SLC2A4RG: variants seen among roughly 807,000 people sequenced by gnomAD.
SLC2A4RG encodes the protein SLC2A4 regulator.
A neutral mutation model predicts 35.5 loss-of-function variants in SLC2A4RG; 23 were observed. That is an observed-to-expected ratio of 0.65 (90% CI 0.47 to 0.92). SLC2A4RG has a LOEUF of 0.92. Among genes scored for constraint, SLC2A4RG ranks in the 40% least tolerant of loss-of-function variants. SLC2A4RG has a pLI of 0.00. For synonymous variants in SLC2A4RG, 306 were observed against 243.7 expected, an observed-to-expected ratio of 1.26 and a Z score of -2.38; for missense variants, 539 against 525.0, an observed-to-expected ratio of 1.03 and a Z score of -0.26.
rs746078878 is a variant in SLC2A4RG at position 63,742,977 on chromosome 20, G to A, written c.1151G>A (p.Arg384Gln). ...TACRWKKACQ[R>Q]FLD ...TGCCGCTGGAAGAAAGCCTGCCAGC[G>A]GTTCCTGGACTAAGTCCGGCTCGTT... Residue 384 changes from arginine (R) to glutamine (Q), a missense_variant, in exon 8 of 8, where the codon CGG becomes CAG. Transcript: ENST00000266077. The A allele has an allele frequency of 2.9e-5, 46 of 1,610,628 alleles. No individual in the cohort carries two copies. Among genetic ancestry groups the A allele is most frequent in the Non-Finnish European group, 3.6e-5 (43 of 1,178,748 alleles).
In SLC2A4RG at chr20:63,743,051, G is replaced by C; in HGVS notation, c.*61G>C. On this transcript the variant is annotated 3_prime_UTR_variant, in exon 8 of 8. Transcript: ENST00000266077. The stretch of plus-strand genomic sequence containing the variant: ...TCCCTCCCCACCCCCTCCAGGCCCG[G>C]GGCTGAAACAGCCCGAGGACAGCCC... 7.3e-7 allele frequency: 1 copy of C among 1,373,938 alleles called. No homozygotes were observed. Among genetic ancestry groups the C allele is most frequent in the Non-Finnish European group, 9.8e-7 (1 of 1,022,870 alleles). 85.1% of individuals were successfully genotyped at this position (1,373,938 alleles called of 1,614,324 possible). A position where few individuals can be genotyped will look rare whatever the true frequency, so the allele number is the denominator to read the frequency against.
rs2092047084 is a variant in SLC2A4RG, at chr20:63,742,323, G to A, written c.681-13G>A. 6.2e-7 allele frequency: 1 copy of A among 1,606,170 alleles called. No individual in the cohort carries two copies. Among genetic ancestry groups the A allele is most frequent in the Admixed American group, 1.7e-5 (1 of 59,680 alleles). On this transcript the variant is annotated splice_polypyrimidine_tract_variant and intron_variant, in intron 5 of 7. Transcript: ENST00000266077. ...CCCCTTCAGCTCCCACTGGCTGGCT[G>A]TGTCTCCCGCAGGAGGCAGGCAGAG...
Position 63,741,521 on chromosome 20 carries a change from A to G in SLC2A4RG, c.391+42A>G, listed in dbSNP as rs761520872. The G allele has an allele frequency of 2.6e-5, 40 of 1,561,070 alleles. No homozygotes were observed. The Middle Eastern group carries it at 5.1e-4, about 20-fold the overall frequency. On this transcript the variant is annotated intron_variant, in intron 3 of 7. Transcript: ENST00000266077. ...TGCATTTAGGGGTGTGGGTGGGGAC[A>G]GGGCTCAGAACCTACAGCCACCCAG...
intron 1 of SLC2A4RG, 160 bp from the exon 2 acceptor site, chr20:63,740,217 C>A: frequency 2.3e-6 from 1 of 426,616 alleles, no homozygotes; most frequent in Non-Finnish European, 3.2e-6. Context: ...GCCCTTCCCG[C>A]CGCGCCGGGC....
At position 63,743,949 on chromosome 20, in the gene SLC2A4RG, G is replaced by A. The variant is rs2092061387; in HGVS notation, c.*959G>A. The stretch of plus-strand genomic sequence containing the variant: ...GTCAATATAATATAGATTATCCCCA[G>A]AAAAAAATCAACAATCTTCAAACAC... On this transcript the variant is annotated 3_prime_UTR_variant, in exon 8 of 8. Transcript: ENST00000266077. The A allele has an allele frequency of 6.6e-6, 1 of 152,520 alleles. No homozygotes were observed. The highest frequency in any genetic ancestry group is 2.4e-5 in the African/African-American group (1 of 41,406). The allele number at this position is 152,520 out of a possible 1,614,324, so 9.4% of individuals were successfully genotyped here.
intron 1 of SLC2A4RG, 92 bp downstream of exon 1, chr20:63,740,130 G>T (rs2092034205): frequency 1.6e-6 from 1 of 638,154 alleles, no homozygotes; most frequent in Non-Finnish European, 1.9e-6. Flanking sequence ...CCCCGGGGGC[G>T]GGGCAGCGGG....
In SLC2A4RG at chr20:63,742,982, C is replaced by T; in HGVS notation, c.1156C>T (p.Leu386=). Reference sequence around the variant, plus strand: ...CTGGAAGAAAGCCTGCCAGCGGTTCCTGGACTAAGTCCGGCTCGTTCAAGA... The same window carrying T: ...CTGGAAGAAAGCCTGCCAGCGGTTCTTGGACTAAGTCCGGCTCGTTCAAGA... The part of the protein sequence containing the change: ...CRWKKACQRF[L]D Residue 386 remains leucine (L), a synonymous_variant, in exon 8 of 8, where the codon CTG becomes TTG. Coordinates refer to ENST00000266077, the MANE Select transcript of SLC2A4RG (RefSeq NM_020062.4). The T allele has an allele frequency of 6.2e-7, 1 of 1,610,116 alleles. No homozygotes were observed. Among genetic ancestry groups the T allele is most frequent in the African/African-American group, 1.3e-5 (1 of 75,000 alleles).
chr20:63,741,209 T>G, intron 2 of SLC2A4RG, 161 bp from the exon 3 acceptor site: 1 of 659,448 alleles, frequency 1.5e-6, no homozygotes, highest in Non-Finnish European at 2.6e-6. Context: ...GGCTTTCAGC[T>G]CTCTCTGCAA....
Position 63,742,776 on chromosome 20 carries a change from C to G in SLC2A4RG, c.1038C>G (p.Ile346Met), listed in dbSNP as rs565824652. The G allele has an allele frequency of 2.1e-5, 33 of 1,590,504 alleles. No homozygotes were observed. The East Asian group carries it at 4.1e-4, about 20-fold the overall frequency. ...GACPPALSSR[I>M]GVTLRKPRGD... Reference sequence around the variant, plus strand: ...GCCCACCCGCCTTGTCCTCCAGGATCGGAGTCACCCTGAGGTGCGTGTGGG... The same window carrying G: ...GCCCACCCGCCTTGTCCTCCAGGATGGGAGTCACCCTGAGGTGCGTGTGGG... The change falls in exon 7 of 8, where the codon ATC becomes ATG. Residue 346 changes from isoleucine (I) to methionine (M), a missense_variant. Transcript: ENST00000266077.
chr20:63,741,290 C>G (rs2092040087), intron 2 of SLC2A4RG, 80 bp from the exon 3 acceptor site: 1 of 1,315,512 alleles, frequency 7.6e-7, no homozygotes, highest in African/African-American at 1.4e-5. Flanking sequence ...CACGCGTGCC[C>G]AGGCCTGCAC....
rs1294328380 is a variant in SLC2A4RG, at chr20:63,742,211, A to G, written c.661A>G (p.Ile221Val). 2.3e-5 allele frequency: 37 copies of G among 1,597,154 alleles called. No individual in the cohort carries two copies. The highest frequency in any genetic ancestry group is 3.2e-5 in the Non-Finnish European group (37 of 1,172,348). Residue 221 changes from isoleucine to valine, a missense_variant, in exon 5 of 8, where the codon ATC becomes GTC. Coordinates refer to ENST00000266077, the MANE Select transcript of SLC2A4RG (RefSeq NM_020062.4). ...CACGGCGTCGGCGATGCAGAGACAC[A>G]TCCGCCTGGTGCACCTGGGGTGCGG... ...LSTASAMQRH[I>V]RLVHLGRQAE...
At position 63,742,471 on chromosome 20, in the gene SLC2A4RG, C is replaced by T; in HGVS notation, c.816C>T (p.Ala272=). 6.3e-7 allele frequency: 1 copy of T among 1,588,682 alleles called. No individual in the cohort carries two copies. Among genetic ancestry groups the T allele is most frequent in the South Asian group, 1.1e-5 (1 of 88,286 alleles). The change falls in exon 6 of 8, where the codon GCC becomes GCT. Residue 272 remains alanine, a synonymous_variant. Coordinates refer to ENST00000266077, the MANE Select transcript of SLC2A4RG (RefSeq NM_020062.4). ...CCCCCACGGCCTCCATGCCGCCTGCCTTCCCCCGCCTGGAGCTGCCAGAGC... is the reference window on the plus strand; with the variant it reads ...CCCCCACGGCCTCCATGCCGCCTGCTTTCCCCCGCCTGGAGCTGCCAGAGC... ...PVSPTASMPP[A]FPRLELPELL...
chr20:63,739,953 G>C lies in SLC2A4RG; in HGVS notation c.41G>C (p.Ser14Thr). The change falls in exon 1 of 8, where the codon AGT (serine) becomes ACT (threonine). Residue 14 changes from serine (S) to threonine (T), a missense_variant. By Grantham distance (58) the Ser-to-Thr change is moderately conservative. Coordinates refer to ENST00000266077, the MANE Select transcript of SLC2A4RG (RefSeq NM_020062.4). ...PPPRAAGRDP[S>T]ALRAEAPWLR... is the part of the protein sequence containing the mutation. Reference sequence around the variant, plus strand: ...CCCCGCGCCGCCGGCCGGGACCCCAGTGCGCTGCGGGCCGAGGCGCCGTGG... The same window carrying C: ...CCCCGCGCCGCCGGCCGGGACCCCACTGCGCTGCGGGCCGAGGCGCCGTGG... 1 of 979,748 alleles carries C rather than the reference G, an allele frequency of 1.0e-6. No homozygotes were observed. Among genetic ancestry groups the C allele is most frequent in the East Asian group, 1.2e-4 (1 of 8,608 alleles). The allele number at this position is 979,748 out of a possible 1,614,324, so 60.7% of individuals were successfully genotyped here. A position where few individuals can be genotyped will look rare whatever the true frequency, so the allele number is the denominator to read the frequency against.
At position 63,739,805 on chromosome 20, in the gene SLC2A4RG, G is replaced by A. The variant is rs2092032431; in HGVS notation, c.-108G>A. On this transcript the variant is annotated 5_prime_UTR_variant, in exon 1 of 8. Transcript: ENST00000266077. The stretch of plus-strand genomic sequence containing the variant: ...TCCGGGCGGCGCGGCGCGGGCGGCG[G>A]CCGGATCCAGGGCGGGGGTCGGCGG... 2.1e-6 allele frequency: 2 copies of A among 970,298 alleles called. No individual in the cohort carries two copies. The highest frequency in any genetic ancestry group is 2.4e-6 in the Non-Finnish European group (2 of 820,592). 60.1% of individuals were successfully genotyped at this position (970,298 alleles called of 1,614,324 possible).
Position 63,743,234 on chromosome 20 carries a change from G to A in SLC2A4RG, c.*244G>A, listed in dbSNP as rs1437334377. On this transcript the variant is annotated 3_prime_UTR_variant, in exon 8 of 8. Transcript: ENST00000266077. ...TTTTGCACTAAAGCCAAACCACACC[G>A]CTGTCCCCTTAGCCCCAAGGGCCCT... is the stretch of plus-strand genomic sequence containing the variant. 3.6e-5 allele frequency: 15 copies of A among 419,808 alleles called. No individual in the cohort carries two copies. Among genetic ancestry groups the A allele is most frequent in the African/African-American group, 1.0e-4 (5 of 49,814 alleles). 26.0% of individuals were successfully genotyped at this position (419,808 alleles called of 1,614,324 possible). A position where few individuals can be genotyped will look rare whatever the true frequency, so the allele number is the denominator to read the frequency against.
intron 3 of SLC2A4RG, 79 bp downstream of exon 3, chr20:63,741,558 C>G: frequency 7.5e-7 from 1 of 1,330,736 alleles, no homozygotes; most frequent in African/African-American, 1.5e-5. Context: ...CTCTGTGGGG[C>G]AAGCAGAGCC....
Position 63,743,104 on chromosome 20 carries a change from G to T in SLC2A4RG, c.*114G>T. On this transcript the variant is annotated 3_prime_UTR_variant, in exon 8 of 8. Coordinates refer to ENST00000266077, the MANE Select transcript of SLC2A4RG (RefSeq NM_020062.4). ...GGGGCTGGCTTTCACCAGCTGCAGG[G>T]TCTGCTTTTACTTGGGGTGGGGGGG... is the stretch of plus-strand genomic sequence containing the variant. 5.4e-6 allele frequency: 1 copy of T among 184,384 alleles called. No homozygotes were observed. The highest frequency in any genetic ancestry group is 7.7e-5 in the Admixed American group (1 of 12,982). The allele number at this position is 184,384 out of a possible 1,614,324, so 11.4% of individuals were successfully genotyped here.
chr20:63,743,109 CT>C lies in SLC2A4RG; in HGVS notation c.*123del. 2.0e-5 allele frequency: 2 copies of C among 99,462 alleles called. No individual in the cohort carries two copies. The highest frequency in any genetic ancestry group is 3.4e-4 in the East Asian group (1 of 2,976). The allele number at this position is 99,462 out of a possible 1,614,324, so 6.2% of individuals were successfully genotyped here. On this transcript the variant is annotated 3_prime_UTR_variant, in exon 8 of 8. Transcript: ENST00000266077. ...TGGCTTTCACCAGCTGCAGGGTCTG[CT>C]TTTACTTGGGGTGGGGGGGCGGGGC...
chr20:63,740,939 C>A (rs988578933), intron 2 of SLC2A4RG, among the ~76,000 whole-genome samples: 3 of 152,202 alleles, frequency 2.0e-5, no homozygotes, highest in Non-Finnish European at 1.5e-5. Flanking sequence ...GCTGCCCGTG[C>A]TTCCAGCCCA....
Sources: allele counts gnomAD v4.1 joint callset (sites outside exome capture counted in the v4.1 genomes callset), GRCh38; gene constraint gnomAD v4.1.1; transcripts MANE v1.5; gene names NCBI Gene and HGNC (gene_info 2026-07-23, HGNC 2026-07-21).